The following RPRD1A variants were observed in gnomAD, a reference collection of about 807,000 sequenced individuals.
The protein encoded by RPRD1A is regulation of nuclear pre-mRNA domain-containing protein 1A.
RPRD1A carries 9 observed loss-of-function variants against 37.8 expected under a neutral mutation model. The ratio of observed to expected loss-of-function variants is 0.24; its 90% CI spans 0.14 to 0.42. RPRD1A has a LOEUF of 0.42. Among genes scored for constraint, RPRD1A ranks in the 10% least tolerant of loss-of-function variants. The pLI, the probability that RPRD1A is intolerant of heterozygous loss-of-function variation, is 1.00. For synonymous variants in RPRD1A, 138 were observed against 139.7 expected, an observed-to-expected ratio of 0.99 and a Z score of 0.08; for missense variants, 255 against 371.0, an observed-to-expected ratio of 0.69 and a Z score of 2.57.
chr18:36,015,801 G>T (rs1350710592), intron 6 of RPRD1A, among the ~76,000 whole-genome samples: 1 of 152,170 alleles, frequency 6.6e-6, no homozygotes, highest in Non-Finnish European at 1.5e-5. Flanking sequence ...ATTGGTGGCT[G>T]GGTGAAGGCG....
chr18:36,055,930 G>A (rs1789515), intron 1 of RPRD1A, among the ~76,000 whole-genome samples: 78,279 of 152,014 alleles, frequency 0.51, 22,680 homozygotes, highest in Middle Eastern at 0.66. Context: ...ATGGGTAGAG[G>A]TAAAAATGAA....
At chr18:36,057,255 T>TCA (rs150915312) in intron 1 of RPRD1A, among the ~76,000 whole-genome samples, 8,868 of 149,926 alleles carry the variant, frequency 0.059, 294 homozygotes, top group Non-Finnish European at 0.083. Flanking sequence ...TATATATATA[T>TCA]CACACACACA....
At chr18:36,034,314 G>A (rs574577666) in intron 1 of RPRD1A, among the ~76,000 whole-genome samples, 1 of 152,244 alleles carries the variant, frequency 6.6e-6, no homozygotes, top group South Asian at 2.1e-4. Context: ...TATTTGCCAA[G>A]CTAATAGATT....
chr18:36,036,302 G>A (rs1912191186), intron 1 of RPRD1A, among the ~76,000 whole-genome samples: 1 of 152,002 alleles, frequency 6.6e-6, no homozygotes, highest in Admixed American at 6.6e-5. Flanking sequence ...TTGAACTCCT[G>A]AGCTCAAGTG....
chr18:36,055,720 T>C (rs7235604), intron 1 of RPRD1A, among the ~76,000 whole-genome samples: 25,785 of 151,952 alleles, frequency 0.17, 2,324 homozygotes, highest in East Asian at 0.25. Context: ...AGAAACAAAA[T>C]AAGAATACAC....
intron 1 of RPRD1A, among the ~76,000 whole-genome samples, chr18:36,041,755 T>G (rs1418473007): frequency 6.6e-6 from 1 of 152,244 alleles, no homozygotes; most frequent in Non-Finnish European, 1.5e-5. Flanking sequence ...AAAACTGCTT[T>G]AAGTTAGTCA....
At chr18:36,053,806 T>C (rs1380419388) in intron 1 of RPRD1A, among the ~76,000 whole-genome samples, 11 of 151,858 alleles carry the variant, frequency 7.2e-5, no homozygotes, top group Non-Finnish European at 1.5e-5. Context: ...TGTTAGTAAA[T>C]ATGAGAACCT....
intron 1 of RPRD1A, among the ~76,000 whole-genome samples, chr18:36,035,649 CAAT>C (rs1912134726): frequency 1.3e-5 from 2 of 152,142 alleles, no homozygotes; most frequent in South Asian, 4.1e-4. Flanking sequence ...AAATATTTTA[CAAT>C]GTTAGCAGCA....
chr18:36,059,156 A>G (rs1296795710), intron 1 of RPRD1A, among the ~76,000 whole-genome samples: 3 of 152,136 alleles, frequency 2.0e-5, no homozygotes, highest in Non-Finnish European at 4.4e-5. Context: ...TAATTTTAAA[A>G]ATCTTTTTTT....
intron 2 of RPRD1A, among the ~76,000 whole-genome samples, chr18:36,031,767 A>G (rs557276242): frequency 1.3e-5 from 2 of 152,134 alleles, no homozygotes; most frequent in Non-Finnish European, 2.9e-5. Flanking sequence ...CTTTTACTCT[A>G]TTCTGTACAA....
chr18:36,027,116 A>G, intron 5 of RPRD1A, 41 bp from the exon 6 acceptor site: 2 of 1,612,062 alleles, frequency 1.2e-6, no homozygotes, highest in Non-Finnish European at 1.7e-6. Flanking sequence ...TACAACAAAA[A>G]CAATGACATA....
chr18:35,992,947 C>A lies in RPRD1A; in HGVS notation c.*204G>T. 1 of 407,684 alleles carries A rather than the reference C, an allele frequency of 2.5e-6. No individual in the cohort carries two copies. Among genetic ancestry groups the A allele is most frequent in the Non-Finnish European group, 4.2e-6 (1 of 236,542 alleles). 25.3% of individuals were successfully genotyped at this position (407,684 alleles called of 1,614,324 possible). On this transcript the variant is annotated 3_prime_UTR_variant, in exon 7 of 7. Transcript: ENST00000399022. The stretch of plus-strand genomic sequence containing the variant: ...TGTGAGCTTATTAATACACACAAAT[C>A]ATCACTTTGTTCAAATTAAGTCATG...
intron 1 of RPRD1A, among the ~76,000 whole-genome samples, chr18:36,035,302 G>A (rs566911763): frequency 6.9e-6 from 1 of 144,474 alleles, no homozygotes; most frequent in South Asian, 2.2e-4. Flanking sequence ...TTTTGAATGG[G>A]TACCTGAACA....
chr18:36,016,258 C>T (rs1217576041), intron 6 of RPRD1A, among the ~76,000 whole-genome samples: 1 of 152,066 alleles, frequency 6.6e-6, no homozygotes, highest in Non-Finnish European at 1.5e-5. Flanking sequence ...GTTTCACTCT[C>T]GTTGCCCAGG....
At chr18:36,032,688 A>G (rs147084688) in intron 2 of RPRD1A, among the ~76,000 whole-genome samples, 1 of 152,366 alleles carries the variant, frequency 6.6e-6, no homozygotes, top group Non-Finnish European at 1.5e-5. Flanking sequence ...TATGTGAGAT[A>G]TGGGGACTGA....
chr18:36,022,908 G>C (rs1911101873), intron 6 of RPRD1A, among the ~76,000 whole-genome samples: 1 of 152,222 alleles, frequency 6.6e-6, no homozygotes, highest in South Asian at 2.1e-4. Flanking sequence ...GTTACAGTGA[G>C]CTGTGATTGC....
At chr18:36,000,004 G>C (rs1909320622) in intron 6 of RPRD1A, among the ~76,000 whole-genome samples, 1 of 152,052 alleles carries the variant, frequency 6.6e-6, no homozygotes, top group South Asian at 2.1e-4. Flanking sequence ...TTCTAGATTA[G>C]AGGAAAAAAT....
In RPRD1A at chr18:36,067,373, T is replaced by C. The variant is rs1319625006; in HGVS notation, c.32A>G (p.Lys11Arg). 3 of 1,608,048 alleles carry C rather than the reference T, an allele frequency of 1.9e-6. No homozygotes were observed. In the Admixed American group the frequency reaches 5.1e-5, roughly 27 times the overall value. Reference protein sequence around the residue: MSAFSEAALEKKLSELSNSQQ... With the variant: MSAFSEAALERKLSELSNSQQ... ...CGAGTTGCTCAACTCCGACAGCTTC[T>C]TCTCCAGCGCCGCCTCAGAGAAGGC... The change falls in exon 1 of 7, where the codon AAG (lysine) becomes AGG (arginine). Residue 11 changes from lysine (K) to arginine (R), a missense_variant. This residue lies in a region of RPRD1A where 44 missense variants were observed against 102.1 expected (regional missense o/e 0.43). Transcript: ENST00000399022.
intron 6 of RPRD1A, among the ~76,000 whole-genome samples, chr18:36,008,838 T>C (rs1347366513): frequency 6.6e-6 from 1 of 151,868 alleles, no homozygotes; most frequent in African/African-American, 2.4e-5. Flanking sequence ...CTCCTCTCAT[T>C]TCACAGCCAT....
Sources: allele counts gnomAD v4.1 joint callset (sites outside exome capture counted in the v4.1 genomes callset), GRCh38; gene constraint gnomAD v4.1.1; regional missense constraint gnomAD v4.1.1; transcripts MANE v1.5; gene names NCBI Gene and HGNC (gene_info 2026-07-23, HGNC 2026-07-21).